SOX6: variants seen among roughly 807,000 people sequenced by gnomAD.
SOX6 encodes the protein transcription factor SOX-6.
SOX6 carries 11 observed loss-of-function variants against 97.8 expected under a neutral mutation model. The observed-to-expected ratio is 0.11, with a 90% confidence interval of 0.07 to 0.19. The LOEUF (loss-of-function observed/expected upper bound fraction) is 0.19, where lower values mean the gene tolerates loss of function less well. Ranked by LOEUF, SOX6 falls within the 10% of genes least tolerant of loss-of-function variation. The pLI, the probability that SOX6 is intolerant of heterozygous loss-of-function variation, is 1.00. For missense variants in SOX6, 810 were observed against 1,039.5 expected (o/e 0.78, Z 3.04); for synonymous variants, 360 against 371.4 (o/e 0.97, Z 0.35).
chr11:16,247,054 C>A (rs2134193442), intron 3 of SOX6, among the ~76,000 whole-genome samples: 1 of 152,262 alleles, frequency 6.6e-6, no homozygotes, highest in South Asian at 2.1e-4. Flanking sequence ...ATTTTATCCC[C>A]TGCTCCCCAT....
At chr11:16,548,985 G>A (rs1847650224) in intron 4 of SOX6, among the ~76,000 whole-genome samples, 3 of 151,768 alleles carry the variant, frequency 2.0e-5, no homozygotes, top group African/African-American at 4.8e-5. Context: ...ATTTATATCT[G>A]GAATATATAA....
intron 1 of SOX6, among the ~76,000 whole-genome samples, chr11:16,380,913 T>C (rs1433389483): frequency 1.3e-5 from 2 of 152,226 alleles, no homozygotes; most frequent in East Asian, 3.9e-4. Flanking sequence ...CAGTGTGGCA[T>C]TGCCAAAAGT....
intron 4 of SOX6, among the ~76,000 whole-genome samples, chr11:16,553,968 A>G (rs1589983068): frequency 6.6e-6 from 1 of 152,240 alleles, no homozygotes; most frequent in Non-Finnish European, 1.5e-5. Flanking sequence ...GAAGTGTCTT[A>G]GGATGGTCAA....
At chr11:16,232,751 T>C (rs1852897735) in intron 4 of SOX6, among the ~76,000 whole-genome samples, 2 of 152,082 alleles carry the variant, frequency 1.3e-5, no homozygotes, top group East Asian at 3.8e-4. Flanking sequence ...CTGTTCTCAC[T>C]GTTATAAAAA....
chr11:15,993,095 G>A (rs1354344196), intron 13 of SOX6, among the ~76,000 whole-genome samples: 1 of 152,088 alleles, frequency 6.6e-6, no homozygotes, highest in Non-Finnish European at 1.5e-5. Context: ...GATTATGTGT[G>A]TGTGTATAAA....
At chr11:16,128,035 G>A (rs934419350) in intron 6 of SOX6, among the ~76,000 whole-genome samples, 80 of 152,168 alleles carry the variant, frequency 5.3e-4, no homozygotes, top group Non-Finnish European at 5.9e-4. Context: ...TAAAGATGTG[G>A]TGCTTTAATG....
chr11:16,068,698 CCTTT>C (rs1848150909), intron 9 of SOX6, among the ~76,000 whole-genome samples: 1 of 152,102 alleles, frequency 6.6e-6, no homozygotes, highest in Non-Finnish European at 1.5e-5. Context: ...ACCATTTTTT[CCTTT>C]CTTATTAAAA....
chr11:16,364,263 C>A (rs1039537515), intron 1 of SOX6, among the ~76,000 whole-genome samples: 7 of 152,070 alleles, frequency 4.6e-5, no homozygotes, highest in Non-Finnish European at 7.4e-5. Flanking sequence ...TCCTAACATT[C>A]TTTTACCAGA....
chr11:16,635,116 C>G (rs1185334881), intron 3 of SOX6, among the ~76,000 whole-genome samples: 1 of 152,136 alleles, frequency 6.6e-6, no homozygotes, highest in Non-Finnish European at 1.5e-5. Flanking sequence ...TGGACTAATA[C>G]AGTAAATTGG....
chr11:16,630,854 T>A (rs1463527519), intron 3 of SOX6, among the ~76,000 whole-genome samples: 1 of 152,216 alleles, frequency 6.6e-6, no homozygotes, highest in Non-Finnish European at 1.5e-5. Context: ...CTTTGTCTTT[T>A]TTTACTATGG....
intron 1 of SOX6, among the ~76,000 whole-genome samples, chr11:16,473,175 G>A (rs944385548): frequency 6.6e-6 from 1 of 152,158 alleles, no homozygotes; most frequent in Non-Finnish European, 1.5e-5. Context: ...ATATAATGGT[G>A]TTTTGCAGAT....
At chr11:16,111,457 T>C (rs1018066771) in intron 7 of SOX6, among the ~76,000 whole-genome samples, 1 of 152,142 alleles carries the variant, frequency 6.6e-6, no homozygotes, top group Non-Finnish European at 1.5e-5. Flanking sequence ...TTTTCCAGAA[T>C]ATAACAGCTC....
intron 3 of SOX6, among the ~76,000 whole-genome samples, chr11:16,294,559 A>C (rs552085757): frequency 6.6e-6 from 1 of 152,170 alleles, no homozygotes; most frequent in Non-Finnish European, 1.5e-5. Context: ...TTTCTGGAAA[A>C]CTCAAATGCT....
chr11:16,197,159 T>G (rs1851803940), intron 4 of SOX6, among the ~76,000 whole-genome samples: 1 of 152,044 alleles, frequency 6.6e-6, no homozygotes, highest in Non-Finnish European at 1.5e-5. Flanking sequence ...GTGCCCCATT[T>G]TGGCTCCTCT....
At chr11:16,241,399 A>T (rs1853190842) in intron 3 of SOX6, among the ~76,000 whole-genome samples, 1 of 152,024 alleles carries the variant, frequency 6.6e-6, no homozygotes, top group South Asian at 2.1e-4. Context: ...ATGTTGCTAA[A>T]ATATTACTCA....
intron 13 of SOX6, among the ~76,000 whole-genome samples, chr11:15,991,566 A>G (rs1854052949): frequency 6.6e-6 from 1 of 152,244 alleles, no homozygotes; most frequent in Non-Finnish European, 1.5e-5. Flanking sequence ...AGAATGTCAG[A>G]TGCAAAAACA....
At chr11:16,593,259 G>A (rs4757416) in intron 4 of SOX6, among the ~76,000 whole-genome samples, 25,440 of 152,088 alleles carry the variant, frequency 0.17, 2,769 homozygotes, top group East Asian at 0.32. Flanking sequence ...CATGGAAATA[G>A]GGGAGTGCCC....
At chr11:16,294,427 G>A (rs892562743) in intron 3 of SOX6, among the ~76,000 whole-genome samples, 1 of 151,998 alleles carries the variant, frequency 6.6e-6, no homozygotes, top group Non-Finnish European at 1.5e-5. Context: ...AATTTTTACT[G>A]ACATTTTAAA....
intron 4 of SOX6, among the ~76,000 whole-genome samples, chr11:16,500,592 A>T (rs569744623): frequency 6.6e-6 from 1 of 152,228 alleles, no homozygotes; most frequent in Non-Finnish European, 1.5e-5. Flanking sequence ...TCCTTAGCTG[A>T]TAAGCAACTT....
Sources: gnomAD v4.1 joint callset for allele counts (sites outside exome capture counted in the v4.1 genomes callset) on GRCh38, gnomAD v4.1.1 for gene constraint, MANE v1.5 for transcripts, NCBI Gene and HGNC (gene_info 2026-07-23, HGNC 2026-07-21) for gene names.